Variants in TBC1D2B observed in about 807,000 individuals in gnomAD.
The protein encoded by TBC1D2B is TBC1 domain family, member 2B.
TBC1D2B carries 64 observed loss-of-function variants against 100.8 expected under a neutral mutation model. The ratio of observed to expected loss-of-function variants is 0.64; its 90% CI spans 0.52 to 0.78. The LOEUF (loss-of-function observed/expected upper bound fraction) is 0.78, where lower values mean the gene tolerates loss of function less well. Among genes scored for constraint, TBC1D2B ranks in the 30% least tolerant of loss-of-function variants. The pLI, the probability that TBC1D2B is intolerant of heterozygous loss-of-function variation, is 0.00. For missense variants in TBC1D2B, 1,052 were observed against 1,218.4 expected, an observed-to-expected ratio of 0.86 and a Z score of 2.03; for synonymous variants, 480 against 479.7, an observed-to-expected ratio of 1.00 and a Z score of -0.01.
intron 11 of TBC1D2B, chr15:78,003,069 T>C (rs2141622186): frequency 4.7e-6 from 2 of 425,448 alleles, no homozygotes; most frequent in Non-Finnish European, 4.4e-6. Flanking sequence ...CTGTAAGCCA[T>C]AGCTCCCAGC....
intron 6 of TBC1D2B, among the ~76,000 whole-genome samples, chr15:78,022,885 A>C (rs893483993): frequency 6.6e-6 from 1 of 152,118 alleles, no homozygotes; most frequent in African/African-American, 2.4e-5. Context: ...ATAAGTGTAA[A>C]GTATTGAGAC....
chr15:78,042,419 G>A (rs1278210596), intron 3 of TBC1D2B, among the ~76,000 whole-genome samples: 1 of 151,818 alleles, frequency 6.6e-6, no homozygotes, highest in Non-Finnish European at 1.5e-5. Context: ...CTTGCTATGT[G>A]ATCTTGAGCA....
In TBC1D2B at chr15:78,001,706, T is replaced by C; in HGVS notation, c.2609A>G (p.Tyr870Cys). 6.2e-7 allele frequency: 1 copy of C among 1,608,758 alleles called. No individual in the cohort carries two copies. The highest frequency in any genetic ancestry group is 8.5e-7 in the Non-Finnish European group (1 of 1,177,508). ...IFRFALALFK[Y>C]KEEEILKLQD... ...CAATTTCAAAATCTCCTCTTCCTTG[T>C]ACTTAAAAAGTGCCAGAGCAAAACG... The change falls in exon 12 of 13, where the codon TAC becomes TGC. Residue 870 changes from tyrosine to cysteine, a missense_variant. This residue lies in a region of TBC1D2B where 373 missense variants were observed against 464.9 expected (regional missense o/e 0.80). Transcript: ENST00000300584.
At chr15:78,021,268 T>C (rs2072508763) in intron 6 of TBC1D2B, among the ~76,000 whole-genome samples, 1 of 151,974 alleles carries the variant, frequency 6.6e-6, no homozygotes. Context: ...GCAAAAAAGA[T>C]ATATAAACAT....
chr15:78,012,105 C>G (rs576881521), intron 9 of TBC1D2B, among the ~76,000 whole-genome samples: 1 of 152,342 alleles, frequency 6.6e-6, no homozygotes, highest in Non-Finnish European at 1.5e-5. Flanking sequence ...GCCTGCTTAC[C>G]TACTTTCATT....
intron 3 of TBC1D2B, among the ~76,000 whole-genome samples, chr15:78,031,541 A>G (rs11854102): frequency 0.89 from 115,024 of 129,904 alleles, 51,701 homozygotes; most frequent in East Asian, 0.99. Context: ...GCGATAGAGC[A>G]AGACTCTGTC....
At position 78,044,932 on chromosome 15, in the gene TBC1D2B, A is replaced by C; in HGVS notation, c.651T>G (p.Phe217Leu). ...CATTGCCCCACTGTTTCAAAGAGTA[A>C]AAATTAATGGAATTTGGATGCCCTG... ...PAPGHPNSIN[F>L]YSLKQWGNEL... Residue 217 changes from phenylalanine to leucine, a missense_variant, in exon 3 of 13, where the codon TTT (phenylalanine) becomes TTG (leucine). Transcript: ENST00000300584. 1 of 1,613,396 alleles carries C rather than the reference A, an allele frequency of 6.2e-7. No homozygotes were observed. Among genetic ancestry groups the C allele is most frequent in the Non-Finnish European group, 8.5e-7 (1 of 1,179,550 alleles).
At chr15:78,069,131 C>G (rs945873286) in intron 1 of TBC1D2B, among the ~76,000 whole-genome samples, 32 of 152,194 alleles carry the variant, frequency 2.1e-4, no homozygotes, top group African/African-American at 6.0e-4. Context: ...GGTCCACCCC[C>G]CTCAGACGTG....
chr15:78,028,491 C>A (rs1016065373), intron 4 of TBC1D2B, among the ~76,000 whole-genome samples: 2 of 152,158 alleles, frequency 1.3e-5, no homozygotes, highest in Admixed American at 6.5e-5. Flanking sequence ...ATAAATAAAT[C>A]TAGGATTGTA....
rs925501715 is a variant in TBC1D2B at position 78,072,197 on chromosome 15, G to C, written c.360+5096C>G. On this transcript the variant is annotated intron_variant, in intron 1 of 12. Transcript: ENST00000300584. ...TGCCAGATACTGTTGCAGGAGCTGAGGATACACACAGTCCTTAGGGAGCTT... is the reference window on the plus strand; with the variant it reads ...TGCCAGATACTGTTGCAGGAGCTGACGATACACACAGTCCTTAGGGAGCTT... Among the ~76,000 whole-genome samples, 3 of 152,168 alleles carry C rather than the reference G, an allele frequency of 2.0e-5. No individual in the cohort carries two copies. The East Asian group carries it at 5.8e-4, about 29-fold the overall frequency.
chr15:78,073,583 A>C (rs948192259), intron 1 of TBC1D2B, among the ~76,000 whole-genome samples: 1 of 152,208 alleles, frequency 6.6e-6, no homozygotes, highest in Non-Finnish European at 1.5e-5. Flanking sequence ...AAAGACGAAA[A>C]GGAAGATAAA....
chr15:78,017,294 C>G (rs1197026998), intron 7 of TBC1D2B: 1 of 153,692 alleles, frequency 6.5e-6, no homozygotes, highest in Non-Finnish European at 1.4e-5. Flanking sequence ...TTGATGACAG[C>G]TGAAATGTTT....
intron 2 of TBC1D2B, among the ~76,000 whole-genome samples, chr15:78,051,751 G>T (rs2073318412): frequency 6.6e-6 from 1 of 152,202 alleles, no homozygotes; most frequent in Non-Finnish European, 1.5e-5. Flanking sequence ...CAACAAGCAT[G>T]GCTTTAGAAA....
chr15:78,072,440 C>T (rs920062360), intron 1 of TBC1D2B, among the ~76,000 whole-genome samples: 2 of 152,218 alleles, frequency 1.3e-5, no homozygotes, highest in Non-Finnish European at 2.9e-5. Context: ...TAGGGCAGAA[C>T]AGCTTAGAAG....
Position 78,025,503 on chromosome 15 carries a change from TA to T in TBC1D2B, c.848-7del, listed in dbSNP as rs1010421530. 1.3e-6 allele frequency: 2 copies of T among 1,567,690 alleles called. No individual in the cohort carries two copies. Among genetic ancestry groups the T allele is most frequent in the Non-Finnish European group, 1.7e-6 (2 of 1,155,848 alleles). Reference sequence around the variant, plus strand: ...GAATCCTGAGCCAGTTACTCCTACATAAAAATAAAACTTGTATTTTATTATT... The same window carrying T: ...GAATCCTGAGCCAGTTACTCCTACATAAAATAAAACTTGTATTTTATTATT... On this transcript the variant is annotated splice_polypyrimidine_tract_variant and splice_region_variant and intron_variant, in intron 4 of 12. Transcript: ENST00000300584.
chr15:78,030,939 C>T (rs1207950623), intron 3 of TBC1D2B, among the ~76,000 whole-genome samples: 1 of 152,170 alleles, frequency 6.6e-6, no homozygotes, highest in African/African-American at 2.4e-5. Flanking sequence ...CTACAACATG[C>T]CAGGCAATAT....
At chr15:78,019,995 T>C (rs1248876217) in intron 6 of TBC1D2B, among the ~76,000 whole-genome samples, 1 of 151,800 alleles carries the variant, frequency 6.6e-6, no homozygotes, top group Non-Finnish European at 1.5e-5. Context: ...GCATAAGTGA[T>C]CCTCCCACCT....
At position 78,034,750 on chromosome 15, in the gene TBC1D2B, G is replaced by C. The variant is rs1361405544; in HGVS notation, c.684-4580C>G. 15 of 985,316 alleles carry C rather than the reference G, an allele frequency of 1.5e-5. No homozygotes were observed. The South Asian group carries it at 2.8e-4, about 19-fold the overall frequency. 61.0% of individuals were successfully genotyped at this position (985,316 alleles called of 1,614,324 possible). A position where few individuals can be genotyped will look rare whatever the true frequency, so the allele number is the denominator to read the frequency against. ...GCTACTTGTCAAGTCCTGGATAAGA[G>C]AGAAATGGAATCAGGCTCAAAGTGA... On this transcript the variant is annotated intron_variant, in intron 3 of 12. Transcript: ENST00000300584.
intron 10 of TBC1D2B, among the ~76,000 whole-genome samples, chr15:78,003,808 A>G (rs7175192): frequency 0.89 from 135,219 of 152,224 alleles, 60,774 homozygotes; most frequent in East Asian, 0.99. Context: ...AGCAGCAGGT[A>G]GGACAGTCAG....
Sources: gnomAD v4.1 joint callset for allele counts (sites outside exome capture counted in the v4.1 genomes callset) on GRCh38, gnomAD v4.1.1 for gene constraint, gnomAD v4.1.1 regional missense constraint, MANE v1.5 for transcripts, NCBI Gene and HGNC (gene_info 2026-07-23, HGNC 2026-07-21) for gene names.